PCDH15: variants seen among roughly 807,000 people sequenced by gnomAD.
The protein encoded by PCDH15 is protocadherin related 15.
A neutral mutation model predicts 178.5 loss-of-function variants in PCDH15; 129 were observed. That is an observed-to-expected ratio of 0.72 (90% CI 0.63 to 0.84). PCDH15 has a LOEUF of 0.84. Among genes scored for constraint, PCDH15 ranks in the 40% least tolerant of loss-of-function variants. The pLI, the probability that PCDH15 is intolerant of heterozygous loss-of-function variation, is 0.00. For missense variants in PCDH15, 2,230 were observed against 2,099.9 expected (o/e 1.06, Z -1.21); for synonymous variants, 800 against 732.0 (o/e 1.09, Z -1.50).
chr10:54,640,282 C>T (rs886638348), intron 2 of PCDH15, among the ~76,000 whole-genome samples: 4 of 151,276 alleles, frequency 2.6e-5, no homozygotes, highest in African/African-American at 7.3e-5. Flanking sequence ...AATTTTCTGC[C>T]TTCCTGATAA....
chr10:55,511,065 A>C (rs992403387), intron 2 of PCDH15, among the ~76,000 whole-genome samples: 2 of 149,946 alleles, frequency 1.3e-5, no homozygotes, highest in Non-Finnish European at 3.0e-5. Context: ...TTTTTTTTAG[A>C]GATACAGGTC....
intron 2 of PCDH15, among the ~76,000 whole-genome samples, chr10:55,375,870 A>T (rs1211042320): frequency 2.0e-5 from 3 of 152,036 alleles, no homozygotes; most frequent in Non-Finnish European, 4.4e-5. Context: ...ATATGATTAG[A>T]TATACTGTTT....
chr10:54,131,143 A>G (rs1036734339), intron 15 of PCDH15, among the ~76,000 whole-genome samples: 1 of 152,210 alleles, frequency 6.6e-6, no homozygotes, highest in Admixed American at 6.5e-5. Context: ...ACTCACAGGT[A>G]GAATTATTGA....
At chr10:53,825,387 TCTGTTTACTATAC>T (rs1384681187) in intron 32 of PCDH15, among the ~76,000 whole-genome samples, 1 of 138,224 alleles carries the variant, frequency 7.2e-6, no homozygotes, top group Non-Finnish European at 1.5e-5. Context: ...TCTAATAAAG[TCTGTTTACTATAC>T]ATAGATAAAA....
intron 8 of PCDH15, among the ~76,000 whole-genome samples, chr10:54,237,479 T>C (rs2054755252): frequency 6.6e-6 from 1 of 152,204 alleles, no homozygotes; most frequent in South Asian, 2.1e-4. Context: ...TACAATGGTC[T>C]ATAAGAAATA....
At chr10:54,376,595 A>C (rs1948473988) in intron 4 of PCDH15, among the ~76,000 whole-genome samples, 1 of 151,666 alleles carries the variant, frequency 6.6e-6, no homozygotes, top group Admixed American at 6.6e-5. Context: ...ATAGAGAAGC[A>C]TACAGAAGAA....
At chr10:54,800,103 G>A (rs10509020) in intron 1 of PCDH15, among the ~76,000 whole-genome samples, 1 of 152,098 alleles carries the variant, frequency 6.6e-6, no homozygotes, top group Non-Finnish European at 1.5e-5. Context: ...AGTTAACAAT[G>A]GCTTTCTGCA....
chr10:54,110,160 C>T (rs1027120289), intron 15 of PCDH15, among the ~76,000 whole-genome samples: 1 of 151,316 alleles, frequency 6.6e-6, no homozygotes. Flanking sequence ...GGCAGCCAGG[C>T]GTGTGGTGTC....
intron 2 of PCDH15, among the ~76,000 whole-genome samples, chr10:55,455,519 A>C (rs879807765): frequency 6.6e-6 from 1 of 152,134 alleles, no homozygotes; most frequent in Non-Finnish European, 1.5e-5. Flanking sequence ...CACAATTCTA[A>C]TATTTAAAAA....
At chr10:54,654,809 A>C (rs1490233022) in intron 2 of PCDH15, 1 of 152,338 alleles carries the variant, frequency 6.6e-6, no homozygotes, top group South Asian at 2.1e-4. Context: ...TCAGATTATT[A>C]GAACCACAAA....
At chr10:55,549,437 A>C (rs1202827124) in intron 2 of PCDH15, among the ~76,000 whole-genome samples, 3 of 152,114 alleles carry the variant, frequency 2.0e-5, no homozygotes, top group Non-Finnish European at 2.9e-5. Flanking sequence ...ATTGAACATC[A>C]CAGTATATTT....
intron 2 of PCDH15, among the ~76,000 whole-genome samples, chr10:55,524,493 A>T (rs1261079860): frequency 6.6e-6 from 1 of 151,552 alleles, no homozygotes; most frequent in Non-Finnish European, 1.5e-5. Context: ...CATTGAAATG[A>T]TATTTTGGAT....
At chr10:54,413,838 A>G (rs781478720) in intron 3 of PCDH15, among the ~76,000 whole-genome samples, 8 of 152,094 alleles carry the variant, frequency 5.3e-5, no homozygotes, top group Non-Finnish European at 8.8e-5. Flanking sequence ...ATGGCCTACA[A>G]TTGCAATAAT....
intron 13 of PCDH15, among the ~76,000 whole-genome samples, chr10:54,175,957 A>G (rs1175007594): frequency 6.6e-6 from 1 of 152,152 alleles, no homozygotes; most frequent in African/African-American, 2.4e-5. Context: ...TACCTATGAT[A>G]TAGAATAACT....
intron 1 of PCDH15, among the ~76,000 whole-genome samples, chr10:54,753,761 T>C (rs1339185914): frequency 6.6e-6 from 1 of 152,074 alleles, no homozygotes; most frequent in Non-Finnish European, 1.5e-5. Context: ...AGCACCTTCC[T>C]GAGCACAGAA....
At chr10:55,513,264 T>C (rs1840931347) in intron 2 of PCDH15, 1 of 152,124 alleles carries the variant, frequency 6.6e-6, no homozygotes, top group Non-Finnish European at 1.5e-5. Flanking sequence ...TAGGTGTATG[T>C]AGTGTGTCCC....
chr10:54,050,528 C>T (rs977902210), intron 18 of PCDH15, among the ~76,000 whole-genome samples: 4 of 151,940 alleles, frequency 2.6e-5, no homozygotes, highest in Admixed American at 2.0e-4. Context: ...TTTCATTGAT[C>T]CTTTATATAG....
chr10:53,906,091 TATG>T (rs2082663910), intron 25 of PCDH15, among the ~76,000 whole-genome samples: 1 of 152,118 alleles, frequency 6.6e-6, no homozygotes, highest in Non-Finnish European at 1.5e-5. Context: ...TTTTGAAATT[TATG>T]ATGTTAGCTA....
chr10:54,832,855 C>A (rs762547030), intron 3 of PCDH15, among the ~76,000 whole-genome samples: 3 of 152,070 alleles, frequency 2.0e-5, no homozygotes, highest in Non-Finnish European at 4.4e-5. Flanking sequence ...AGTGGTGACA[C>A]TATAGGTCAT....
Sources: allele counts gnomAD v4.1 joint callset (sites outside exome capture counted in the v4.1 genomes callset), GRCh38; gene constraint gnomAD v4.1.1; transcripts MANE v1.5; gene names NCBI Gene and HGNC (gene_info 2026-07-23, HGNC 2026-07-21).